Variants in FHIT observed in about 807,000 individuals in gnomAD.
FHIT encodes the protein bis(5'-adenosyl)-triphosphatase.
In FHIT, 19 loss-of-function variants were observed where a neutral mutation model predicts 17.9. That is an observed-to-expected ratio of 1.06 (90% CI 0.74 to 1.56). The LOEUF is 1.56. Ranked by LOEUF, FHIT falls within the 40% of genes most tolerant of loss-of-function variation. The probability of loss-of-function intolerance (pLI) is 0.00; values close to 1 mark genes in which losing one functional copy is unlikely to be tolerated. For synonymous variants in FHIT, 81 were observed against 69.7 expected (o/e 1.16, Z -0.81); for missense variants, 248 against 189.2 (o/e 1.31, Z -1.82).
chr3:59,800,921 T>A (rs1575517202), intron 8 of FHIT, among the ~76,000 whole-genome samples: 2 of 152,170 alleles, frequency 1.3e-5, no homozygotes, highest in East Asian at 3.9e-4. Flanking sequence ...CTGGAGCTCT[T>A]TTTTATCAGC....
At chr3:60,093,151 G>T (rs762022719) in intron 5 of FHIT, among the ~76,000 whole-genome samples, 3 of 152,124 alleles carry the variant, frequency 2.0e-5, no homozygotes, top group Non-Finnish European at 2.9e-5. Context: ...GAAGTTGGGG[G>T]TCTGACACAG....
At chr3:60,747,911 A>C (rs1298956552) in intron 4 of FHIT, among the ~76,000 whole-genome samples, 1 of 152,238 alleles carries the variant, frequency 6.6e-6, no homozygotes, top group Non-Finnish European at 1.5e-5. Flanking sequence ...TCCCAGGTAG[A>C]GTAAAAACAG....
chr3:61,187,133 T>C (rs761889150), intron 2 of FHIT, among the ~76,000 whole-genome samples: 9 of 152,190 alleles, frequency 5.9e-5, no homozygotes, highest in Non-Finnish European at 1.3e-4. Flanking sequence ...GTCAGTCATG[T>C]AGGTGAGTGC....
At chr3:60,809,516 A>C (rs1701505305) in intron 4 of FHIT, among the ~76,000 whole-genome samples, 2 of 152,166 alleles carry the variant, frequency 1.3e-5, no homozygotes, top group African/African-American at 4.8e-5. Flanking sequence ...CCTTGCCCTC[A>C]ATTTACTGTG....
rs141488487 is a variant in FHIT at position 61,086,291 on chromosome 3, A to G, written c.-163-44192T>C. Among the ~76,000 whole-genome samples, 1,376 of 152,250 alleles carry G rather than the reference A, an allele frequency of 9.0e-3. 21 individuals are homozygous for G. Among genetic ancestry groups the G allele is most frequent in the African/African-American group, 0.031 (1,298 of 41,552 alleles). ...GTTTACTTATAGTCCTAGTTTGTTA[A>G]AAGTTCTTATCAGGATTAGATGTTG... On this transcript the variant is annotated intron_variant, in intron 2 of 9. Coordinates refer to ENST00000492590, the MANE Select transcript of FHIT (RefSeq NM_002012.4).
At chr3:60,188,649 T>C (rs187052706) in intron 5 of FHIT, among the ~76,000 whole-genome samples, 20 of 152,298 alleles carry the variant, frequency 1.3e-4, no homozygotes, top group South Asian at 4.1e-4. Flanking sequence ...TTAATTCAGC[T>C]TTTCCAAACT....
At chr3:60,711,329 C>A (rs2041524649) in intron 4 of FHIT, among the ~76,000 whole-genome samples, 1 of 152,120 alleles carries the variant, frequency 6.6e-6, no homozygotes, top group Admixed American at 6.5e-5. Flanking sequence ...GGGGAAAAAA[C>A]AAGAGCAAAA....
intron 5 of FHIT, among the ~76,000 whole-genome samples, chr3:60,089,357 A>G (rs111301177): frequency 6.4e-4 from 98 of 152,278 alleles, no homozygotes; most frequent in Middle Eastern, 6.8e-3. Flanking sequence ...TCAATAAACT[A>G]TGAGTTCTGT....
intron 8 of FHIT, among the ~76,000 whole-genome samples, chr3:59,764,863 AACACACAC>A (rs57549363): frequency 0.098 from 14,218 of 144,578 alleles, 748 homozygotes; most frequent in Non-Finnish European, 0.12. Context: ...GGCAACTGCA[AACACACAC>A]ACACACACAC....
At chr3:60,262,388 T>G (rs1179301481) in intron 5 of FHIT, among the ~76,000 whole-genome samples, 1 of 152,010 alleles carries the variant, frequency 6.6e-6, no homozygotes, top group African/African-American at 2.4e-5. Context: ...CTGAGCCCTG[T>G]GCTTGCAGAA....
At chr3:59,787,856 A>G (rs1023264978) in intron 8 of FHIT, among the ~76,000 whole-genome samples, 2 of 152,154 alleles carry the variant, frequency 1.3e-5, no homozygotes, top group Admixed American at 6.5e-5. Flanking sequence ...CTCTGCCTCC[A>G]TGTTCTTACC....
intron 5 of FHIT, among the ~76,000 whole-genome samples, chr3:60,346,990 T>C (rs933047947): frequency 2.6e-5 from 4 of 151,988 alleles, no homozygotes; most frequent in African/African-American, 9.7e-5. Flanking sequence ...AGAAATATAA[T>C]GCTTACATGG....
At chr3:60,049,914 C>T (rs994079997) in intron 5 of FHIT, among the ~76,000 whole-genome samples, 1 of 152,096 alleles carries the variant, frequency 6.6e-6, no homozygotes, top group East Asian at 1.9e-4. Context: ...TATCAAACAA[C>T]CCTCCAAATT....
At chr3:60,897,757 C>T (rs1705905520) in intron 3 of FHIT, among the ~76,000 whole-genome samples, 1 of 152,122 alleles carries the variant, frequency 6.6e-6, no homozygotes, top group African/African-American at 2.4e-5. Flanking sequence ...CCTCAGCAGG[C>T]CAGCTTCACT....
intron 5 of FHIT, among the ~76,000 whole-genome samples, chr3:60,531,606 A>C (rs1337777756): frequency 6.6e-6 from 1 of 152,204 alleles, no homozygotes; most frequent in East Asian, 1.9e-4. Context: ...GAAATGAAAG[A>C]TCACTAATAA....
At chr3:60,457,817 A>C (rs1252384603) in intron 5 of FHIT, among the ~76,000 whole-genome samples, 2 of 151,912 alleles carry the variant, frequency 1.3e-5, no homozygotes, top group African/African-American at 2.4e-5. Flanking sequence ...ATGCAGCCAA[A>C]AGACACGTGA....
intron 4 of FHIT, among the ~76,000 whole-genome samples, chr3:60,772,264 T>C (rs572661161): frequency 2.0e-5 from 3 of 151,086 alleles, no homozygotes; most frequent in African/African-American, 4.9e-5. Flanking sequence ...ATCACTGAGA[T>C]AGAAATGAAA....
intron 4 of FHIT, among the ~76,000 whole-genome samples, chr3:60,598,999 G>C (rs9868743): frequency 0.027 from 4,097 of 152,250 alleles, 170 homozygotes; most frequent in African/African-American, 0.086. Context: ...TATCTGTTTA[G>C]AGAAAGTTCG....
chr3:60,822,795 G>T (rs1701972588), intron 3 of FHIT, among the ~76,000 whole-genome samples: 1 of 152,126 alleles, frequency 6.6e-6, no homozygotes, highest in Non-Finnish European at 1.5e-5. Flanking sequence ...TAACCCCAAA[G>T]TGGACAAGTG....
Sources: gnomAD v4.1 joint callset for allele counts (sites outside exome capture counted in the v4.1 genomes callset) on GRCh38, gnomAD v4.1.1 for gene constraint, MANE v1.5 for transcripts, NCBI Gene and HGNC (gene_info 2026-07-23, HGNC 2026-07-21) for gene names.